Variants in NBEA observed in about 807,000 individuals in gnomAD.
NBEA encodes the protein lysosomal-trafficking regulator 2.
In NBEA, 44 loss-of-function variants were observed where a neutral mutation model predicts 343.4. That is an observed-to-expected ratio of 0.13 (90% CI 0.10 to 0.16). NBEA has a LOEUF of 0.16. Among genes scored for constraint, NBEA ranks in the 10% least tolerant of loss-of-function variants. NBEA has a pLI of 1.00. For synonymous variants in NBEA, 1,175 were observed against 1,238.7 expected, an observed-to-expected ratio of 0.95 and a Z score of 1.08; for missense variants, 2,555 against 3,631.3, an observed-to-expected ratio of 0.70 and a Z score of 7.62.
chr13:35,456,360 TG>T (rs1265687832), intron 40 of NBEA, among the ~76,000 whole-genome samples: 1 of 152,050 alleles, frequency 6.6e-6, no homozygotes. Flanking sequence ...ATGGCTAATA[TG>T]ATTATAATAT....
At chr13:35,532,159 G>A (rs1443060267) in intron 41 of NBEA, among the ~76,000 whole-genome samples, 3 of 152,136 alleles carry the variant, frequency 2.0e-5, no homozygotes, top group Admixed American at 6.6e-5. Flanking sequence ...GTTGAAGGAA[G>A]TGTAATTTGT....
chr13:35,402,843 G>T (rs187824291), intron 38 of NBEA, among the ~76,000 whole-genome samples: 1 of 152,180 alleles, frequency 6.6e-6, no homozygotes, highest in African/African-American at 2.4e-5. Context: ...AGACTAAATT[G>T]TCACCATGTT....
intron 36 of NBEA, among the ~76,000 whole-genome samples, chr13:35,327,965 T>C (rs1187162947): frequency 6.6e-6 from 1 of 151,572 alleles, no homozygotes; most frequent in Non-Finnish European, 1.5e-5. Flanking sequence ...TCAATATGAG[T>C]GGCATCTGCA....
rs371912407 is a variant in NBEA at position 35,137,173 on chromosome 13, G to A, written c.2337-5096G>A. Among the ~76,000 whole-genome samples, 118 of 152,208 alleles carry A rather than the reference G, an allele frequency of 7.8e-4. 2 individuals carry two copies. In the South Asian group the frequency reaches 0.023, roughly 29 times the overall value. ...TTAATTAGAAAAAAGCCCTTTGGCC[G>A]GGCACGGTGGCTCATGCCTGCAATC... On this transcript the variant is annotated intron_variant, in intron 17 of 58. Coordinates refer to ENST00000379939, the MANE Select transcript of NBEA (RefSeq NM_001385012.1).
chr13:35,229,332 T>C (rs926306638), intron 33 of NBEA, among the ~76,000 whole-genome samples: 1 of 152,164 alleles, frequency 6.6e-6, no homozygotes, highest in Non-Finnish European at 1.5e-5. Context: ...ATGCCCAGCC[T>C]AAATGAATGT....
At chr13:35,174,900 C>A (rs979057459) in intron 27 of NBEA, among the ~76,000 whole-genome samples, 1 of 151,448 alleles carries the variant, frequency 6.6e-6, no homozygotes, top group African/African-American at 2.4e-5. Context: ...TCAAGCGATT[C>A]TCCTGCCTCA....
At chr13:35,045,486 T>C in intron 4 of NBEA, 85 bp downstream of exon 4, 1 of 1,102,288 alleles carries the variant, frequency 9.1e-7, no homozygotes, top group South Asian at 1.6e-5. Context: ...TAATAAAATT[T>C]ACCAGTTTAG....
chr13:35,640,046 T>C (rs532264027), intron 49 of NBEA, among the ~76,000 whole-genome samples: 1 of 151,836 alleles, frequency 6.6e-6, no homozygotes, highest in East Asian at 1.9e-4. Context: ...AAAGACAAGA[T>C]TAACGAAAGT....
intron 36 of NBEA, among the ~76,000 whole-genome samples, chr13:35,336,051 A>G (rs945846589): frequency 3.3e-5 from 5 of 152,082 alleles, no homozygotes; most frequent in African/African-American, 1.2e-4. Context: ...GGTTTTTTCT[A>G]TCCAGGAATT....
chr13:35,230,597 G>T (rs1242466164), intron 33 of NBEA, among the ~76,000 whole-genome samples: 1 of 151,988 alleles, frequency 6.6e-6, no homozygotes, highest in African/African-American at 2.4e-5. Context: ...AATTAGTTTA[G>T]CTGGGAAGAG....
chr13:35,520,834 C>A (rs967518991), intron 41 of NBEA, among the ~76,000 whole-genome samples: 1 of 152,186 alleles, frequency 6.6e-6, no homozygotes, highest in Non-Finnish European at 1.5e-5. Context: ...GTCTTTATAT[C>A]ACTTCATTTT....
At chr13:35,543,282 C>T (rs1286479850) in intron 41 of NBEA, among the ~76,000 whole-genome samples, 1 of 152,138 alleles carries the variant, frequency 6.6e-6, no homozygotes, top group Non-Finnish European at 1.5e-5. Flanking sequence ...ATTAGAGCTA[C>T]TTATAACTTT....
chr13:35,486,943 C>T (rs548349033), intron 41 of NBEA, among the ~76,000 whole-genome samples: 1 of 151,814 alleles, frequency 6.6e-6, no homozygotes, highest in Non-Finnish European at 1.5e-5. Context: ...ATGGGATATA[C>T]CTTTATAAAT....
intron 41 of NBEA, among the ~76,000 whole-genome samples, chr13:35,514,906 T>C (rs1222373511): frequency 6.6e-6 from 1 of 152,162 alleles, no homozygotes; most frequent in Non-Finnish European, 1.5e-5. Flanking sequence ...TGTGTTACCT[T>C]TGCATTAACA....
chr13:35,124,665 T>C (rs1302750028), intron 17 of NBEA, among the ~76,000 whole-genome samples: 2 of 150,712 alleles, frequency 1.3e-5, no homozygotes, highest in Admixed American at 6.6e-5. Context: ...CACACATATA[T>C]GTGGATATAT....
chr13:35,286,262 A>T (rs1423677279), intron 34 of NBEA, among the ~76,000 whole-genome samples: 2 of 152,220 alleles, frequency 1.3e-5, no homozygotes, highest in South Asian at 2.1e-4. Flanking sequence ...CTAAAAAATG[A>T]TGTTCTTATT....
chr13:35,142,849 T>C (rs539953002), intron 18 of NBEA, among the ~76,000 whole-genome samples: 76 of 152,218 alleles, frequency 5.0e-4, no homozygotes, highest in Non-Finnish European at 8.2e-4. Context: ...TCTCATCATT[T>C]CAATTTAGAG....
chr13:35,512,820 C>T (rs561677019), intron 41 of NBEA, among the ~76,000 whole-genome samples: 72 of 152,290 alleles, frequency 4.7e-4, no homozygotes, highest in Non-Finnish European at 8.1e-4. Context: ...AGAGGAGGTA[C>T]CTTGCGGTCC....
chr13:35,620,427 G>T (rs2082929420), intron 48 of NBEA, among the ~76,000 whole-genome samples: 1 of 152,080 alleles, frequency 6.6e-6, no homozygotes, highest in African/African-American at 2.4e-5. Context: ...TAGAGCAAAG[G>T]CCTTATGGCA....
Sources: allele counts gnomAD v4.1 joint callset (sites outside exome capture counted in the v4.1 genomes callset), GRCh38; gene constraint gnomAD v4.1.1; transcripts MANE v1.5; gene names NCBI Gene and HGNC (gene_info 2026-07-23, HGNC 2026-07-21).